The following SEC31A variants were observed in gnomAD, a reference collection of about 807,000 sequenced individuals.
The protein encoded by SEC31A is protein transport protein Sec31A.
SEC31A carries 70 observed loss-of-function variants against 151.0 expected under a neutral mutation model. That is an observed-to-expected ratio of 0.46 (90% CI 0.38 to 0.57). The LOEUF is 0.57. Among genes scored for constraint, SEC31A ranks in the 20% least tolerant of loss-of-function variants. SEC31A has a pLI of 0.00. For missense variants in SEC31A, 1,330 were observed against 1,471.2 expected (o/e 0.90, Z 1.57); for synonymous variants, 475 against 505.9 (o/e 0.94, Z 0.82).
At chr4:82,825,953 G>C (rs2148975374) in intron 24 of SEC31A, among the ~76,000 whole-genome samples, 2 of 152,282 alleles carry the variant, frequency 1.3e-5, no homozygotes, top group East Asian at 3.9e-4. Context: ...AAAGATTATG[G>C]TGCCACTCAC....
At chr4:82,829,640 G>A (rs550583080) in intron 22 of SEC31A, among the ~76,000 whole-genome samples, 1 of 152,096 alleles carries the variant, frequency 6.6e-6, no homozygotes, top group South Asian at 2.1e-4. Context: ...AAGTAAAAAA[G>A]GGTATTCAAA....
chr4:82,832,928 A>C (rs1374384957), intron 22 of SEC31A, among the ~76,000 whole-genome samples: 1 of 152,172 alleles, frequency 6.6e-6, no homozygotes, highest in East Asian at 1.9e-4. Context: ...AGGGTGTGGA[A>C]AAATAGGAAC....
rs1732990587 is a variant in SEC31A, at chr4:82,857,719, C to T, written c.1672G>A (p.Gly558Arg). 1 of 1,604,192 alleles carries T rather than the reference C, an allele frequency of 6.2e-7. No homozygotes were observed. The highest frequency in any genetic ancestry group is 8.5e-7 in the Non-Finnish European group (1 of 1,171,548). The change falls in exon 15 of 27, where the codon GGA becomes AGA. Residue 558 changes from glycine (G) to arginine (R), a missense_variant. Gly to Arg is a moderately radical substitution (Grantham distance 125). Coordinates refer to ENST00000395310, the MANE Select transcript of SEC31A (RefSeq NM_001077207.4). Reference sequence around the variant, plus strand: ...CTGACAGAGATATTAAATGTTCCTCCAGATGAGGGTAGAAATTCAGATTCT... The same window carrying T: ...CTGACAGAGATATTAAATGTTCCTCTAGATGAGGGTAGAAATTCAGATTCT... ...KEESEFLPSS[G>R]GTFNISVSGD...
rs184116079 is a variant in SEC31A, at chr4:82,828,013, C to T, written c.3028-381G>A. On this transcript the variant is annotated intron_variant, in intron 23 of 26. Coordinates refer to ENST00000395310, the MANE Select transcript of SEC31A (RefSeq NM_001077207.4). The stretch of plus-strand genomic sequence containing the variant: ...CACTGCAACCTCCGCCTCCCAGGTT[C>T]AAGCAATTCTCGTGCCTCAGCCTCC... Among the ~76,000 whole-genome samples, 571 of 152,152 alleles carry T rather than the reference C, an allele frequency of 3.8e-3. 9 individuals carry two copies. The highest frequency in any genetic ancestry group is 0.013 in the African/African-American group (519 of 41,510).
At chr4:82,872,735 G>A (rs1417847907) in intron 6 of SEC31A, among the ~76,000 whole-genome samples, 1 of 151,348 alleles carries the variant, frequency 6.6e-6, no homozygotes, top group Non-Finnish European at 1.5e-5. Context: ...ATGGAGTCTC[G>A]CTCTGTCACC....
At position 82,882,072 on chromosome 4, in the gene SEC31A, A is replaced by G. The variant is rs533919698; in HGVS notation, c.-4-132T>C. Reference sequence around the variant, plus strand: ...GTAATGCCCAACTGCAAATAAATCAAATCGGTTTAGGTGTCATTTGTTGGA... The same window carrying G: ...GTAATGCCCAACTGCAAATAAATCAGATCGGTTTAGGTGTCATTTGTTGGA... On this transcript the variant is annotated intron_variant, in intron 1 of 26. Coordinates refer to ENST00000395310, the MANE Select transcript of SEC31A (RefSeq NM_001077207.4). 8.3e-6 allele frequency: 6 copies of G among 723,408 alleles called. No homozygotes were observed. The African/African-American group carries it at 1.0e-4, about 12-fold the overall frequency. The allele number at this position is 723,408 out of a possible 1,614,324, so 44.8% of individuals were successfully genotyped here.
At chr4:82,896,986 G>C (rs544334142) in intron 3 of SEC31A, among the ~76,000 whole-genome samples, 1 of 152,216 alleles carries the variant, frequency 6.6e-6, no homozygotes, top group Admixed American at 6.5e-5. Context: ...GCAAAATATA[G>C]ACCTTGTCAA....
intron 22 of SEC31A, among the ~76,000 whole-genome samples, chr4:82,841,685 A>G (rs1304351034): frequency 1.3e-5 from 2 of 149,402 alleles, no homozygotes; most frequent in African/African-American, 4.9e-5. Flanking sequence ...CAAAAACTCA[A>G]TCAAGGCCAG....
intron 14 of SEC31A, 140 bp from the exon 15 acceptor site, chr4:82,857,904 T>A (rs1378035321): frequency 1.8e-6 from 1 of 560,908 alleles, no homozygotes; most frequent in Admixed American, 3.1e-5. Flanking sequence ...CAGATCCAAA[T>A]TTACAACTAA....
In SEC31A at chr4:82,875,813, C is replaced by T. The variant is rs1737785406; in HGVS notation, c.412G>A (p.Val138Ile). Residue 138 changes from valine (V) to isoleucine (I), a missense_variant, in exon 5 of 27, where the codon GTA becomes ATA. Transcript: ENST00000395310. ...TCAGATTCATTAGCACCAGAAGCTA[C>T]CAGATTAGTCTGCAAGAAGAAACCA... The part of the protein sequence containing the change: ...LDVNIFQTNL[V>I]ASGANESEIY... 1 of 1,590,466 alleles carries T rather than the reference C, an allele frequency of 6.3e-7. No homozygotes were observed. Among genetic ancestry groups the T allele is most frequent in the Non-Finnish European group, 8.6e-7 (1 of 1,165,868 alleles).
In SEC31A at chr4:82,867,185, T is replaced by C; in HGVS notation, c.1014A>G (p.Thr338=). 6.2e-7 allele frequency: 1 copy of C among 1,614,012 alleles called. No individual in the cohort carries two copies. Among genetic ancestry groups the C allele is most frequent in the East Asian group, 2.2e-5 (1 of 44,876 alleles). ...ISVYSIMGGS[T]DGLRQKQVDK... ...CAACTTGTTTCTGTCTTAAACCATCTGTGCTACCTCCCATGATAGAATAAA... is the reference window on the plus strand; with the variant it reads ...CAACTTGTTTCTGTCTTAAACCATCCGTGCTACCTCCCATGATAGAATAAA... Residue 338 remains threonine, a synonymous_variant, in exon 9 of 27, where the codon ACA becomes ACG. Transcript: ENST00000395310.
Position 82,864,360 on chromosome 4 carries a change from A to G in SEC31A, c.1434+2T>C. On this transcript the variant is annotated splice_donor_variant, in intron 11 of 26. Transcript: ENST00000395310. LOFTEE classifies it high-confidence loss of function. ...TAATATAGCTTTAAACAGCAACTTT[A>G]CCTTCAAAAAGGACCACACATTTTT... 1 of 1,600,728 alleles carries G rather than the reference A, an allele frequency of 6.2e-7. No individual in the cohort carries two copies. Among genetic ancestry groups the G allele is most frequent in the African/African-American group, 1.3e-5 (1 of 74,744 alleles).
chr4:82,851,238 A>T (rs537438836), intron 19 of SEC31A, among the ~76,000 whole-genome samples, 193 bp downstream of exon 19: 1 of 152,224 alleles, frequency 6.6e-6, no homozygotes, highest in Admixed American at 6.5e-5. Context: ...AGATTATCCT[A>T]TCTCTCTAAC....
intron 4 of SEC31A, chr4:82,877,402 A>C (rs937445475): frequency 6.7e-6 from 1 of 149,030 alleles, no homozygotes; most frequent in Non-Finnish European, 1.5e-5. Flanking sequence ...TTTTCCAGAC[A>C]GGGTCTCTAT....
upstream of SEC31A, chr4:82,891,187 C>A (rs1266898254): frequency 1.3e-6 from 2 of 1,534,078 alleles, no homozygotes; most frequent in South Asian, 1.2e-5. Context: ...AGGGCCACCT[C>A]CACGTTCCGT....
intron 6 of SEC31A, among the ~76,000 whole-genome samples, chr4:82,873,271 T>C (rs1444559159): frequency 1.3e-5 from 2 of 151,712 alleles, no homozygotes; most frequent in African/African-American, 4.8e-5. Context: ...GGCAGGAGAA[T>C]TGCCTGAACC....
At chr4:82,883,866 T>C (rs1050969784) in intron 1 of SEC31A, among the ~76,000 whole-genome samples, 2 of 151,938 alleles carry the variant, frequency 1.3e-5, no homozygotes, top group Non-Finnish European at 2.9e-5. Context: ...GTTAGCTCTG[T>C]ATAGTAATAC....
At chr4:82,842,695 C>T in intron 21 of SEC31A, 1 of 510,078 alleles carries the variant, frequency 2.0e-6, no homozygotes, top group Middle Eastern at 5.2e-4. Context: ...ATGCCATCCC[C>T]AAACTGCCTC....
chr4:82,851,466 C>T lies in SEC31A; in HGVS notation c.2293G>A (p.Ala765Thr), dbSNP rs376084631. The change falls in exon 19 of 27, where the codon GCA becomes ACA. Residue 765 changes from alanine (A) to threonine (T), a missense_variant. Transcript: ENST00000395310. ...NLLAAQGSIAAALAFLPDNTN... is the reference protein window; with the variant it reads ...NLLAAQGSIATALAFLPDNTN... ...TTGTCAGGAAGAAAAGCCAAGGCTG[C>T]AGCAATACTGCCCTGAGCTGCCAAC... 2 of 1,613,214 alleles carry T rather than the reference C, an allele frequency of 1.2e-6. No individual in the cohort carries two copies. The highest frequency in any genetic ancestry group is 1.7e-6 in the Non-Finnish European group (2 of 1,179,636).
Sources: gnomAD v4.1 joint callset for allele counts (sites outside exome capture counted in the v4.1 genomes callset) on GRCh38, gnomAD v4.1.1 for gene constraint, MANE v1.5 for transcripts, NCBI Gene and HGNC (gene_info 2026-07-23, HGNC 2026-07-21) for gene names.